DOC2B: variants seen among roughly 807,000 people sequenced by gnomAD.
DOC2B encodes the protein double C2-like domain-containing protein beta.
A neutral mutation model predicts 28.9 loss-of-function variants in DOC2B; 21 were observed. The ratio of observed to expected loss-of-function variants is 0.73; its 90% CI spans 0.52 to 1.05. The LOEUF is 1.05. Ranked by LOEUF, DOC2B falls within the 50% of genes least tolerant of loss-of-function variation. The pLI, the probability that DOC2B is intolerant of heterozygous loss-of-function variation, is 0.00. For synonymous variants in DOC2B, 194 were observed against 178.1 expected (o/e 1.09, Z -0.71); for missense variants, 384 against 421.1 (o/e 0.91, Z 0.77).
At chr17:158,781 A>C (rs954581541) in intron 5 of DOC2B, among the ~76,000 whole-genome samples, 6 of 152,218 alleles carry the variant, frequency 3.9e-5, no homozygotes, top group African/African-American at 1.4e-4. Context: ...ACAGTGACTC[A>C]TGCCTGTAAC....
chr17:163,752 A>C, intron 3 of DOC2B: 1 of 207,768 alleles, frequency 4.8e-6, no homozygotes, highest in African/African-American at 2.2e-5. Context: ...TGGTACAGAA[A>C]CCTGTTTAAC....
At chr17:152,276 C>T (rs1417420146) in intron 6 of DOC2B, among the ~76,000 whole-genome samples, 6 of 152,196 alleles carry the variant, frequency 3.9e-5, no homozygotes, top group African/African-American at 1.4e-4. Context: ...ACAACAGGAG[C>T]GACCGCACAG....
At chr17:172,758 C>A in intron 1 of DOC2B, 142 bp from the exon 2 acceptor site, 1 of 606,544 alleles carries the variant, frequency 1.6e-6, no homozygotes, top group Non-Finnish European at 2.8e-6. Context: ...CTGCTCTATG[C>A]CAGCCCCTCA....
intron 1 of DOC2B, among the ~76,000 whole-genome samples, chr17:176,780 C>A (rs1393405177): frequency 2.0e-5 from 3 of 152,196 alleles, no homozygotes; most frequent in Non-Finnish European, 4.4e-5. Context: ...CATGACCCCA[C>A]TGAAGTTTAC....
At position 145,266 on chromosome 17, in the gene DOC2B, G is replaced by A. The variant is rs1337106652; in HGVS notation, c.*2175C>T. On this transcript the variant is annotated 3_prime_UTR_variant, in exon 9 of 9. Coordinates refer to ENST00000613549, the MANE Select transcript of DOC2B (RefSeq NM_003585.5). ...TGAGCCTTCACCTGGTGTCTCTGCT[G>A]AGTCTCCGACAGACCAAGAGGGAAG... The A allele has an allele frequency of 1.3e-5, 2 of 152,186 alleles. No individual in the cohort carries two copies. Among genetic ancestry groups the A allele is most frequent in the Admixed American group, 1.3e-4 (2 of 15,280 alleles). The allele number at this position is 152,186 out of a possible 1,614,324, so 9.4% of individuals were successfully genotyped here.
chr17:163,692 G>C (rs147150297), intron 3 of DOC2B: 3 of 162,044 alleles, frequency 1.9e-5, no homozygotes, highest in Admixed American at 1.2e-4. Context: ...CCCCCTTGCG[G>C]AGAGTCAGGG....
Position 146,849 on chromosome 17 carries a change from A to G in DOC2B, c.*592T>C, listed in dbSNP as rs1181351549. On this transcript the variant is annotated 3_prime_UTR_variant, in exon 9 of 9. Coordinates refer to ENST00000613549, the MANE Select transcript of DOC2B (RefSeq NM_003585.5). ...TCCCTGAGGGCAGGCCCTGTGTCTC[A>G]TTCACCCCCAGGGCTTGTGGAATCA... 6.6e-6 allele frequency: 1 copy of G among 152,140 alleles called. No homozygotes were observed. The highest frequency in any genetic ancestry group is 1.5e-5 in the Non-Finnish European group (1 of 68,034). The allele number at this position is 152,140 out of a possible 1,614,324, so 9.4% of individuals were successfully genotyped here.
intron 5 of DOC2B, among the ~76,000 whole-genome samples, chr17:161,078 G>T (rs2040196842): frequency 6.6e-6 from 1 of 152,056 alleles, no homozygotes; most frequent in South Asian, 2.1e-4. Flanking sequence ...TCCTACCGCT[G>T]CCAAGGTCAG....
At chr17:148,970 T>A in intron 7 of DOC2B, 141 bp downstream of exon 7, 1 of 390,978 alleles carries the variant, frequency 2.6e-6, no homozygotes. Flanking sequence ...AGCTCCCCTG[T>A]GTCTGTGGCT....
At chr17:173,919 C>A (rs189732999) in intron 1 of DOC2B, among the ~76,000 whole-genome samples, 17 of 152,334 alleles carry the variant, frequency 1.1e-4, no homozygotes, top group Non-Finnish European at 2.9e-5. Flanking sequence ...CCAGGCCCAT[C>A]ATTTACATCT....
chr17:148,466 C>A (rs1243977954), intron 7 of DOC2B, among the ~76,000 whole-genome samples, 197 bp from the exon 8 acceptor site: 2 of 152,150 alleles, frequency 1.3e-5, no homozygotes, highest in African/African-American at 4.8e-5. Context: ...GTCCCCTCGC[C>A]CGCTTGCTCC....
In DOC2B at chr17:147,297, G is replaced by A. The variant is rs1050754009; in HGVS notation, c.*144C>T. The A allele has an allele frequency of 1.3e-3, 519 of 396,280 alleles. 2 individuals carry two copies. Among genetic ancestry groups the A allele is most frequent in the African/African-American group, 9.4e-3 (455 of 48,658 alleles). 24.5% of individuals were successfully genotyped at this position (396,280 alleles called of 1,614,324 possible). ...GCTGAGCCCTCCACATCCTCCGAGC[G>A]GGGACTGCAGTGGCTCTGTGTCCAA... On this transcript the variant is annotated 3_prime_UTR_variant, in exon 9 of 9. Transcript: ENST00000613549.
Position 181,605 on chromosome 17 carries a change from C to T in DOC2B, c.-126G>A, listed in dbSNP as rs1002985875. The T allele has an allele frequency of 2.0e-5, 6 of 298,614 alleles. No individual in the cohort carries two copies. The highest frequency in any genetic ancestry group is 1.4e-4 in the African/African-American group (6 of 43,764). The allele number at this position is 298,614 out of a possible 1,614,324, so 18.5% of individuals were successfully genotyped here. A position where few individuals can be genotyped will look rare whatever the true frequency, so the allele number is the denominator to read the frequency against. ...ATCGCCGGCCGCGCCCCCGGACGGC[C>T]CTGACTTGGCCGCTGCCCGCTCCGC... On this transcript the variant is annotated 5_prime_UTR_variant, in exon 1 of 9. Coordinates refer to ENST00000613549, the MANE Select transcript of DOC2B (RefSeq NM_003585.5). The surrounding 1 kb of genome is among the most constrained non-coding windows in gnomAD (Gnocchi z 7.0).
chr17:164,105 G>A (rs2040234729), intron 3 of DOC2B, 25 bp downstream of exon 3: 2 of 1,532,948 alleles, frequency 1.3e-6, no homozygotes, highest in Admixed American at 2.0e-5. Flanking sequence ...GCAGCTGGTG[G>A]GCAGGCCTGG....
rs758814753 is a variant in DOC2B, at chr17:181,088, C to G, written c.373+19G>C. 6.8e-5 allele frequency: 84 copies of G among 1,236,346 alleles called. 1 individual carries two copies. The highest frequency in any genetic ancestry group is 6.3e-4 in the Middle Eastern group (2 of 3,164). The allele number at this position is 1,236,346 out of a possible 1,614,324, so 76.6% of individuals were successfully genotyped here. A position where few individuals can be genotyped will look rare whatever the true frequency, so the allele number is the denominator to read the frequency against. On this transcript the variant is annotated intron_variant, in intron 1 of 8. Transcript: ENST00000613549. This position sits in a 1 kb window ranked among gnomAD's most constrained non-coding sequence, Gnocchi z 7.0. ...CGAGCCAGGGGAGGGGGCGCGAAGT[C>G]GGCGCGTGGGAAACTTACTGCAGTC...
intron 5 of DOC2B, among the ~76,000 whole-genome samples, chr17:159,796 C>T (rs148715343): frequency 1.1e-4 from 16 of 152,162 alleles, no homozygotes; most frequent in South Asian, 8.3e-4. Flanking sequence ...CTTTCACGAA[C>T]GCACACCACA....
chr17:178,276 CA>C (rs567275577), intron 1 of DOC2B, among the ~76,000 whole-genome samples: 23 of 152,344 alleles, frequency 1.5e-4, no homozygotes, highest in Non-Finnish European at 2.6e-4. Context: ...CAGCCACGAG[CA>C]AAGATGGACA....
chr17:178,694 G>C (rs776831753), intron 1 of DOC2B, among the ~76,000 whole-genome samples: 1 of 152,216 alleles, frequency 6.6e-6, no homozygotes, highest in African/African-American at 2.4e-5. Context: ...AATAAAGAAA[G>C]GGCTTTAAAA....
intron 2 of DOC2B, among the ~76,000 whole-genome samples, chr17:166,143 C>T (rs1427442181): frequency 2.0e-5 from 3 of 152,344 alleles, no homozygotes; most frequent in South Asian, 2.1e-4. Context: ...ACTCCTCCAC[C>T]CGGCAGTTCC....
Sources: gnomAD v4.1 joint callset for allele counts (sites outside exome capture counted in the v4.1 genomes callset) on GRCh38, gnomAD v4.1.1 for gene constraint, Gnocchi (gnomAD v3.1) non-coding constraint, MANE v1.5 for transcripts, NCBI Gene and HGNC (gene_info 2026-07-23, HGNC 2026-07-21) for gene names.